The following TRAFD1 variants were observed in gnomAD, a reference collection of about 807,000 sequenced individuals.
TRAFD1 encodes TRAF-type zinc finger domain containing 1.
In TRAFD1, 38 loss-of-function variants were observed where a neutral mutation model predicts 65.3. That is an observed-to-expected ratio of 0.58 (90% CI 0.45 to 0.76). The LOEUF (loss-of-function observed/expected upper bound fraction) is 0.76. TRAFD1 is among the 30% of genes least tolerant of loss of function. The pLI is 0.00. For missense variants in TRAFD1, 631 were observed against 712.6 expected (o/e 0.89, Z 1.30); for synonymous variants, 223 against 257.2 (o/e 0.87, Z 1.27).
At chr12:112,129,184 G>C (rs1455641001) in intron 1 of TRAFD1, among the ~76,000 whole-genome samples, 1 of 149,478 alleles carries the variant, frequency 6.7e-6, no homozygotes, top group Non-Finnish European at 1.5e-5. Context: ...GAAAAAGGGT[G>C]GGATGGTGAT....
In TRAFD1 at chr12:112,152,911, C is replaced by G. The variant is rs2030450303; in HGVS notation, c.*120C>G. On this transcript the variant is annotated 3_prime_UTR_variant, in exon 12 of 12. Transcript: ENST00000412615. The surrounding 1 kb of genome is among the most constrained non-coding windows in gnomAD (Gnocchi z 5.0). ...GAGTTTTTCCAGATTTTAGATTTTT[C>G]TAGGTTATGGCCATTTTGTGTCTTT... 2 of 1,189,126 alleles carry G rather than the reference C, an allele frequency of 1.7e-6. No individual in the cohort carries two copies. Among genetic ancestry groups the G allele is most frequent in the Non-Finnish European group, 2.4e-6 (2 of 843,062 alleles). 73.7% of individuals were successfully genotyped at this position (1,189,126 alleles called of 1,614,324 possible).
At position 112,152,532 on chromosome 12, in the gene TRAFD1, G is replaced by A. The variant is rs749220344; in HGVS notation, c.1692+33G>A. 6.2e-6 allele frequency: 10 copies of A among 1,613,038 alleles called. No homozygotes were observed. The highest frequency in any genetic ancestry group is 1.7e-5 in the Admixed American group (1 of 60,004). ...GGGCTCCAGCCCATGATGCTCAGTGGGGGACTCAGACATGGTGGGGCTTGT... is the reference window on the plus strand; with the variant it reads ...GGGCTCCAGCCCATGATGCTCAGTGAGGGACTCAGACATGGTGGGGCTTGT... On this transcript the variant is annotated intron_variant, in intron 11 of 11. Coordinates refer to ENST00000412615, the MANE Select transcript of TRAFD1 (RefSeq NM_006700.3). This position sits in a 1 kb window ranked among gnomAD's most constrained non-coding sequence, Gnocchi z 5.0.
At position 112,152,047 on chromosome 12, in the gene TRAFD1, G is replaced by A. The variant is rs764622599; in HGVS notation, c.1526G>A (p.Gly509Glu). ...AGCCAGAATGGGGCCATAGCCCCTG[G>A]GCACGTTTCAGTGATTCGCCCTCCT... ...RDSQNGAIAP[G>E]HVSVIRPPQN... The change falls in exon 10 of 12, where the codon GGG becomes GAG. Residue 509 changes from glycine (G) to glutamate (E), a missense_variant. Physicochemically the swap from Gly to Glu is moderately conservative, Grantham distance 98. Coordinates refer to ENST00000412615, the MANE Select transcript of TRAFD1 (RefSeq NM_006700.3). The surrounding 1 kb of genome is among the most constrained non-coding windows in gnomAD (Gnocchi z 5.0). 3.1e-6 allele frequency: 5 copies of A among 1,614,094 alleles called. No homozygotes were observed. The African/African-American group carries it at 5.3e-5, about 17-fold the overall frequency.
intron 7 of TRAFD1, among the ~76,000 whole-genome samples, chr12:112,146,906 G>T (rs2030263315): frequency 6.8e-6 from 1 of 147,602 alleles, no homozygotes; most frequent in Non-Finnish European, 1.5e-5. Context: ...TTATTTGAAT[G>T]ATTGACTATT....
At chr12:112,139,927 G>C (rs1049268860) in intron 4 of TRAFD1, among the ~76,000 whole-genome samples, 1 of 152,086 alleles carries the variant, frequency 6.6e-6, no homozygotes, top group Non-Finnish European at 1.5e-5. Context: ...GCTTGAACCC[G>C]AGAGGTGAAG....
chr12:112,146,470 T>C (rs965141513), intron 7 of TRAFD1, among the ~76,000 whole-genome samples: 5 of 152,222 alleles, frequency 3.3e-5, no homozygotes, highest in African/African-American at 1.2e-4. Flanking sequence ...ATATCTCCAC[T>C]ATCCGTTTTG....
chr12:112,145,693 T>C (rs1252077463), intron 7 of TRAFD1, 31 bp downstream of exon 7: 7 of 1,601,392 alleles, frequency 4.4e-6, no homozygotes, highest in Non-Finnish European at 6.0e-6. Flanking sequence ...GGACTTTTAG[T>C]AGGATTGTAT....
Position 112,152,117 on chromosome 12 carries a change from G to A in TRAFD1, c.1596G>A (p.Gly532=). The A allele has an allele frequency of 6.2e-7, 1 of 1,613,140 alleles. No individual in the cohort carries two copies. Among genetic ancestry groups the A allele is most frequent in the Non-Finnish European group, 8.5e-7 (1 of 1,179,284 alleles). ...PENIVPSFSP[G]PSGRYGASGR... ...ACATTGTGCCCTCTTTCTCCCCTGGGCCTTCAGGGAGATACGGAGCTAGGT... is the reference window on the plus strand; with the variant it reads ...ACATTGTGCCCTCTTTCTCCCCTGGACCTTCAGGGAGATACGGAGCTAGGT... Residue 532 remains glycine, a synonymous_variant, in exon 10 of 12, where the codon GGG becomes GGA. Transcript: ENST00000412615. This position sits in a 1 kb window ranked among gnomAD's most constrained non-coding sequence, Gnocchi z 5.0.
rs781747255 is a variant in TRAFD1, at chr12:112,125,611, C to T, written c.-20C>T. ...TGTGTCAACTCAGCGTTTCTCCTCT[C>T]GTCCCTGGTGAGGTGTAGCGGCGGC... On this transcript the variant is annotated 5_prime_UTR_variant, in exon 1 of 12. Coordinates refer to ENST00000412615, the MANE Select transcript of TRAFD1 (RefSeq NM_006700.3). 6.5e-6 allele frequency: 1 copy of T among 152,746 alleles called. No individual in the cohort carries two copies. Among genetic ancestry groups the T allele is most frequent in the African/African-American group, 2.4e-5 (1 of 41,488 alleles). 9.5% of individuals were successfully genotyped at this position (152,746 alleles called of 1,614,324 possible). A position where few individuals can be genotyped will look rare whatever the true frequency, so the allele number is the denominator to read the frequency against.
chr12:112,143,831 C>T (rs1362521648), intron 6 of TRAFD1, among the ~76,000 whole-genome samples: 1 of 150,332 alleles, frequency 6.7e-6, no homozygotes, highest in Non-Finnish European at 1.5e-5. Flanking sequence ...CCCCAGGCCT[C>T]AAGTGATCCT....
In TRAFD1 at chr12:112,128,265, CA is replaced by C. The variant is rs374538290; in HGVS notation, c.-12-2243del. On this transcript the variant is annotated intron_variant, in intron 1 of 11. Coordinates refer to ENST00000412615, the MANE Select transcript of TRAFD1 (RefSeq NM_006700.3). ...AAGTGATCCGCCCACCTCAGCCTCCCAAAGTGCTGGGATTACAGGCATGAGC... is the reference window on the plus strand; with the variant it reads ...AAGTGATCCGCCCACCTCAGCCTCCCAAGTGCTGGGATTACAGGCATGAGC... 4.6e-3 allele frequency among the ~76,000 whole-genome samples: 708 copies of C among 152,288 alleles called. 7 individuals carry two copies. The highest frequency in any genetic ancestry group is 0.016 in the African/African-American group (648 of 41,548).
In TRAFD1 at chr12:112,152,764, G is replaced by A. The variant is rs763972058; in HGVS notation, c.1722G>A (p.Gly574=). Reference sequence around the variant, plus strand: ...AGCCTTCCAAGCAACAGGGAGCTGGGGATGCAGAAGAGGAAGAGGAGGAGT... The same window carrying A: ...AGCCTTCCAAGCAACAGGGAGCTGGAGATGCAGAAGAGGAAGAGGAGGAGT... ...KAKPSKQQGA[G]DAEEEEEE Residue 574 remains glycine (G), a synonymous_variant, in exon 12 of 12, where the codon GGG becomes GGA. Transcript: ENST00000412615. The surrounding 1 kb of genome is among the most constrained non-coding windows in gnomAD (Gnocchi z 5.0). 2.5e-6 allele frequency: 4 copies of A among 1,614,218 alleles called. No homozygotes were observed. Among genetic ancestry groups the A allele is most frequent in the South Asian group, 2.2e-5 (2 of 91,082 alleles).
At chr12:112,146,212 A>G (rs1372188320) in intron 7 of TRAFD1, among the ~76,000 whole-genome samples, 1 of 142,466 alleles carries the variant, frequency 7.0e-6, no homozygotes, top group Non-Finnish European at 1.5e-5. Context: ...AAAAAACAAT[A>G]GTGAAATAAC....
intron 8 of TRAFD1, among the ~76,000 whole-genome samples, chr12:112,148,816 G>A (rs2136981356): frequency 6.6e-6 from 1 of 152,286 alleles, no homozygotes; most frequent in South Asian, 2.1e-4. Flanking sequence ...CTGCCCAATC[G>A]TATATGTTAC....
In TRAFD1 at chr12:112,142,078, T is replaced by G; in HGVS notation, c.644-11T>G. The G allele has an allele frequency of 1.2e-6, 2 of 1,612,020 alleles. No homozygotes were observed. Among genetic ancestry groups the G allele is most frequent in the Non-Finnish European group, 1.7e-6 (2 of 1,178,694 alleles). On this transcript the variant is annotated splice_polypyrimidine_tract_variant and intron_variant, in intron 5 of 11. Transcript: ENST00000412615. ...ATGTATCCTGAATGTTGGTTGGTTT[T>G]TTTTTTTCAGTTGAAGAACAAGAGA...
chr12:112,148,956 G>A (rs1341228738), intron 8 of TRAFD1, among the ~76,000 whole-genome samples: 1 of 152,134 alleles, frequency 6.6e-6, no homozygotes, highest in Non-Finnish European at 1.5e-5. Context: ...GGTGGCTTAT[G>A]CCTGTGATCC....
rs367728701 is a variant in TRAFD1 at position 112,130,501 on chromosome 12, T to C, written c.-12-10T>C. 6 of 1,609,534 alleles carry C rather than the reference T, an allele frequency of 3.7e-6. No individual in the cohort carries two copies. In the African/African-American group the frequency reaches 5.3e-5, roughly 14 times the overall value. On this transcript the variant is annotated splice_polypyrimidine_tract_variant and intron_variant, in intron 1 of 11. Coordinates refer to ENST00000412615, the MANE Select transcript of TRAFD1 (RefSeq NM_006700.3). The surrounding 1 kb of genome is among the most constrained non-coding windows in gnomAD (Gnocchi z 4.4). ...AAGAGAAAGTTCATGTCTTCCTTTG[T>C]GGTTTTCAGGAAGAGCTAAAGATGG...
rs955458073 is a variant in TRAFD1 at position 112,152,752 on chromosome 12, A to G, written c.1710A>G (p.Gln570=). 1.3e-5 allele frequency: 21 copies of G among 1,614,086 alleles called. No individual in the cohort carries two copies. The African/African-American group carries it at 2.0e-4, about 15-fold the overall frequency. ...SRTAKAKPSK[Q]QGAGDAEEEE... Reference sequence around the variant, plus strand: ...TTCACCAGGCAAAGCCTTCCAAGCAACAGGGAGCTGGGGATGCAGAAGAGG... The same window carrying G: ...TTCACCAGGCAAAGCCTTCCAAGCAGCAGGGAGCTGGGGATGCAGAAGAGG... The change falls in exon 12 of 12, where the codon CAA becomes CAG. Residue 570 remains glutamine (Q), a synonymous_variant. Transcript: ENST00000412615. This position sits in a 1 kb window ranked among gnomAD's most constrained non-coding sequence, Gnocchi z 5.0.
intron 8 of TRAFD1, 103 bp downstream of exon 8, chr12:112,148,407 C>A: frequency 2.0e-6 from 2 of 976,632 alleles, no homozygotes; most frequent in South Asian, 1.6e-5. Flanking sequence ...TCCATCCTGA[C>A]AAGGAATGCA....
Sources: gnomAD v4.1 joint callset for allele counts (sites outside exome capture counted in the v4.1 genomes callset) on GRCh38, gnomAD v4.1.1 for gene constraint, Gnocchi (gnomAD v3.1) non-coding constraint, MANE v1.5 for transcripts, NCBI Gene and HGNC (gene_info 2026-07-23, HGNC 2026-07-21) for gene names.